Variants in STAU2 observed in about 807,000 individuals in gnomAD.
STAU2 encodes the protein staufen double-stranded RNA binding protein 2.
In STAU2, 20 loss-of-function variants were observed where a neutral mutation model predicts 65.9. The ratio of observed to expected loss-of-function variants is 0.30; its 90% CI spans 0.21 to 0.44. The LOEUF is 0.44. Among genes scored for constraint, STAU2 ranks in the 20% least tolerant of loss-of-function variants. The pLI is 1.00. For synonymous variants in STAU2, 232 were observed against 233.9 expected (o/e 0.99, Z 0.07); for missense variants, 558 against 683.9 (o/e 0.82, Z 2.05).
At chr8:73,575,574 C>G (rs1190352751) in intron 12 of STAU2, among the ~76,000 whole-genome samples, 2 of 151,992 alleles carry the variant, frequency 1.3e-5, no homozygotes, top group Non-Finnish European at 2.9e-5. Flanking sequence ...ATACTATAAA[C>G]AATCTAAATA....
intron 3 of STAU2, among the ~76,000 whole-genome samples, chr8:73,737,123 T>G (rs1436488993): frequency 6.6e-6 from 1 of 152,006 alleles, no homozygotes; most frequent in Non-Finnish European, 1.5e-5. Context: ...TGCCTTCGTC[T>G]CCCAAAGTGC....
At chr8:73,744,124 T>C (rs1026970155) in intron 1 of STAU2, among the ~76,000 whole-genome samples, 21 of 152,080 alleles carry the variant, frequency 1.4e-4, no homozygotes, top group Non-Finnish European at 2.5e-4. Flanking sequence ...TTTGCCTTCT[T>C]ATAATTTTTC....
chr8:73,617,542 T>C (rs939481434), intron 6 of STAU2, 91 bp from the exon 7 acceptor site: 2 of 1,248,444 alleles, frequency 1.6e-6, no homozygotes, highest in Admixed American at 2.1e-5. Context: ...ACCAATTATA[T>C]AATGTGCTAT....
At chr8:73,737,626 C>T (rs1467636194) in intron 3 of STAU2, among the ~76,000 whole-genome samples, 3 of 148,430 alleles carry the variant, frequency 2.0e-5, no homozygotes, top group Non-Finnish European at 4.4e-5. Context: ...CTGGCTCAAA[C>T]TCCTGGGCTC....
intron 13 of STAU2, among the ~76,000 whole-genome samples, chr8:73,535,202 C>T (rs1806099341): frequency 6.6e-6 from 1 of 152,044 alleles, no homozygotes; most frequent in South Asian, 2.1e-4. Flanking sequence ...CGGAGTCTCA[C>T]TCTGTCGCCC....
intron 9 of STAU2, among the ~76,000 whole-genome samples, chr8:73,612,972 C>G (rs1335898041): frequency 6.6e-6 from 1 of 152,202 alleles, no homozygotes; most frequent in Non-Finnish European, 1.5e-5. Context: ...TCTCATTCCT[C>G]TGATATTTAC....
chr8:73,745,904 C>T (rs983804482), intron 1 of STAU2, among the ~76,000 whole-genome samples: 9 of 152,132 alleles, frequency 5.9e-5, no homozygotes, highest in African/African-American at 2.2e-4. Context: ...GAGTGGCGTG[C>T]TTCTCAATGG....
intron 1 of STAU2, among the ~76,000 whole-genome samples, chr8:73,744,111 A>T (rs1807108232): frequency 6.6e-6 from 1 of 152,156 alleles, no homozygotes; most frequent in African/African-American, 2.4e-5. Flanking sequence ...GAAAAATAAA[A>T]GATTTGCCTT....
chr8:73,439,603 CTT>C (rs2128889299), intron 13 of STAU2, among the ~76,000 whole-genome samples: 1 of 152,296 alleles, frequency 6.6e-6, no homozygotes, highest in Admixed American at 6.5e-5. Flanking sequence ...GCTGAACAAA[CTT>C]GGGCTCAATG....
intron 13 of STAU2, among the ~76,000 whole-genome samples, chr8:73,474,351 G>C (rs549171716): frequency 1.3e-4 from 20 of 152,168 alleles, no homozygotes; most frequent in Non-Finnish European, 2.2e-4. Flanking sequence ...GAGTGATCAA[G>C]TTTGGGGGAT....
chr8:73,605,822 T>C (rs1447656148), intron 9 of STAU2, among the ~76,000 whole-genome samples: 1 of 138,688 alleles, frequency 7.2e-6, no homozygotes, highest in Non-Finnish European at 1.6e-5. Flanking sequence ...CAGACACAGA[T>C]ATATATACAC....
chr8:73,560,750 A>AT lies in STAU2; in HGVS notation c.1223-8432dup, dbSNP rs374170562. Reference sequence around the variant, plus strand: ...GAATACAAAATAGTAAATAATACATATTCCTCAAAACACCAATAATGAACA... The same window carrying AT: ...GAATACAAAATAGTAAATAATACATATTTCCTCAAAACACCAATAATGAACA... On this transcript the variant is annotated intron_variant, in intron 12 of 14. Transcript: ENST00000524300. Among the ~76,000 whole-genome samples the AT allele has an allele frequency of 1.3e-3, 204 of 152,326 alleles. 1 individual carries two copies. Among genetic ancestry groups the AT allele is most frequent in the African/African-American group, 4.5e-3 (188 of 41,580 alleles).
chr8:73,551,159 GAC>G (rs1245645111), intron 13 of STAU2: 7 of 987,400 alleles, frequency 7.1e-6, no homozygotes, highest in Non-Finnish European at 8.4e-6. Context: ...AAGAAATCAA[GAC>G]ACAGATATTT....
chr8:73,732,784 C>T (rs1208788222), intron 3 of STAU2: 1 of 152,214 alleles, frequency 6.6e-6, no homozygotes, highest in African/African-American at 2.4e-5. Flanking sequence ...AAATACTTCA[C>T]TCAATGATCT....
chr8:73,742,930 T>A (rs1379588045), intron 1 of STAU2, among the ~76,000 whole-genome samples: 1 of 152,174 alleles, frequency 6.6e-6, no homozygotes, highest in East Asian at 1.9e-4. Flanking sequence ...ATTTTTTATA[T>A]CAGCACCCAT....
intron 4 of STAU2, among the ~76,000 whole-genome samples, chr8:73,691,359 T>C (rs1319905338): frequency 6.6e-6 from 1 of 152,228 alleles, no homozygotes; most frequent in Non-Finnish European, 1.5e-5. Context: ...CTCTTCGTTG[T>C]AATTTATATT....
intron 5 of STAU2, 65 bp from the exon 6 acceptor site, chr8:73,673,307 A>G (rs1817814029): frequency 6.4e-6 from 9 of 1,412,686 alleles, no homozygotes; most frequent in Admixed American, 5.0e-5. Flanking sequence ...CATGCAAGCT[A>G]TATTTATACA....
chr8:73,700,927 C>G (rs1319022691), intron 4 of STAU2, among the ~76,000 whole-genome samples: 2 of 151,916 alleles, frequency 1.3e-5, no homozygotes, highest in East Asian at 3.9e-4. Flanking sequence ...AATAAACACA[C>G]AGACCAATGG....
intron 13 of STAU2, among the ~76,000 whole-genome samples, chr8:73,517,092 G>A (rs1454069401): frequency 1.3e-5 from 2 of 151,954 alleles, no homozygotes; most frequent in Admixed American, 6.6e-5. Context: ...TAATTTAGAG[G>A]GGACACTAAG....
Sources: gnomAD v4.1 joint callset for allele counts (sites outside exome capture counted in the v4.1 genomes callset) on GRCh38, gnomAD v4.1.1 for gene constraint, MANE v1.5 for transcripts, NCBI Gene and HGNC (gene_info 2026-07-23, HGNC 2026-07-21) for gene names.